PKD1L1: variants seen among roughly 807,000 people sequenced by gnomAD.
PKD1L1 encodes polycystin 1 like 1, transient receptor potential channel interacting.
In PKD1L1, 236 loss-of-function variants were observed where a neutral mutation model predicts 323.4. That is an observed-to-expected ratio of 0.73 (90% CI 0.66 to 0.81). The LOEUF is 0.81. Ranked by LOEUF, PKD1L1 falls within the 40% of genes least tolerant of loss-of-function variation. The pLI is 0.00. For synonymous variants in PKD1L1, 1,344 were observed against 1,335.0 expected, an observed-to-expected ratio of 1.01 and a Z score of -0.15; for missense variants, 3,320 against 3,508.0, an observed-to-expected ratio of 0.95 and a Z score of 1.35.
intron 34 of PKD1L1, among the ~76,000 whole-genome samples, chr7:47,842,677 A>C (rs1012976361): frequency 2.6e-5 from 4 of 152,150 alleles, no homozygotes; most frequent in African/African-American, 9.7e-5. Context: ...AGAGTCTCAA[A>C]GATCCACTCA....
chr7:47,835,763 T>C (rs777506283), intron 37 of PKD1L1, among the ~76,000 whole-genome samples: 2 of 152,122 alleles, frequency 1.3e-5, no homozygotes, highest in Non-Finnish European at 2.9e-5. Context: ...TAGAACTATA[T>C]ATAGAACTGA....
At chr7:47,782,435 T>C (rs756706545) in intron 56 of PKD1L1, among the ~76,000 whole-genome samples, 5 of 152,206 alleles carry the variant, frequency 3.3e-5, no homozygotes, top group Non-Finnish European at 7.3e-5. Flanking sequence ...CAGAAAACTT[T>C]CCTAAGGTCT....
intron 8 of PKD1L1, among the ~76,000 whole-genome samples, chr7:47,912,988 C>A (rs1361307644): frequency 6.6e-6 from 1 of 151,974 alleles, no homozygotes; most frequent in Admixed American, 6.6e-5. Flanking sequence ...GGGCCACCAG[C>A]TGAATTTCTG....
chr7:47,916,943 A>G (rs926491114), intron 7 of PKD1L1, among the ~76,000 whole-genome samples: 8 of 152,156 alleles, frequency 5.3e-5, no homozygotes, highest in Non-Finnish European at 1.0e-4. Flanking sequence ...AAAAAATCAC[A>G]CTAGCTCACC....
At chr7:47,935,636 C>T (rs1056523109) in intron 4 of PKD1L1, among the ~76,000 whole-genome samples, 5 of 152,210 alleles carry the variant, frequency 3.3e-5, no homozygotes, top group Non-Finnish European at 7.3e-5. Context: ...TCCTAAATTT[C>T]CACCTAGGGG....
rs1785518476 is a variant in PKD1L1 at position 47,839,269 on chromosome 7, A to G, written c.5769+177T>C. 6.6e-6 allele frequency among the ~76,000 whole-genome samples: 1 copy of G among 152,260 alleles called. No individual in the cohort carries two copies. Among genetic ancestry groups the G allele is most frequent in the African/African-American group, 2.4e-5 (1 of 41,472 alleles). On this transcript the variant is annotated intron_variant, in intron 36 of 56. Transcript: ENST00000289672. The surrounding 1 kb of genome is among the most constrained non-coding windows in gnomAD (Gnocchi z 4.3). ...TGAAGGGTAATTAATCCATGCTTGG[A>G]TGGCCACTCAATGAATGTATCATTT... is the stretch of plus-strand genomic sequence containing the variant.
At chr7:47,948,566 A>G (rs2128760521), upstream of PKD1L1, 5 of 838,352 alleles carry the variant, frequency 6.0e-6, no homozygotes, top group Non-Finnish European at 9.5e-6. Flanking sequence ...ATCAGGACAC[A>G]CATCAAACAC....
At chr7:47,777,912 T>C (rs941963774) in intron 56 of PKD1L1, among the ~76,000 whole-genome samples, 1 of 152,188 alleles carries the variant, frequency 6.6e-6, no homozygotes, top group African/African-American at 2.4e-5. Flanking sequence ...GCAGGACACA[T>C]TGCTCTCTAT....
chr7:47,790,453 C>T (rs1786915509), intron 56 of PKD1L1, among the ~76,000 whole-genome samples: 1 of 151,874 alleles, frequency 6.6e-6, no homozygotes, highest in South Asian at 2.1e-4. Flanking sequence ...GCCTCAGCCT[C>T]CCGAGTAGCT....
At chr7:47,949,863 G>A (rs568736078), upstream of PKD1L1, among the ~76,000 whole-genome samples, 1 of 152,090 alleles carries the variant, frequency 6.6e-6, no homozygotes, top group Non-Finnish European at 1.5e-5. Context: ...TGCTGCCAAT[G>A]AGGTGAGTAA....
At chr7:47,850,411 G>A (rs1785754202) in intron 31 of PKD1L1, among the ~76,000 whole-genome samples, 5 of 152,044 alleles carry the variant, frequency 3.3e-5, no homozygotes, top group Admixed American at 3.3e-4. Flanking sequence ...GAGGATGGAT[G>A]ACCCGAGGTC....
At chr7:47,863,038 T>C (rs1039673122) in intron 26 of PKD1L1, among the ~76,000 whole-genome samples, 1 of 152,042 alleles carries the variant, frequency 6.6e-6, no homozygotes, top group Non-Finnish European at 1.5e-5. Flanking sequence ...TGACATTTGC[T>C]TGGATTTGGG....
At position 47,865,291 on chromosome 7, in the gene PKD1L1, A is replaced by G; in HGVS notation, c.4093-19T>C. 2 of 1,606,134 alleles carry G rather than the reference A, an allele frequency of 1.2e-6. No homozygotes were observed. Among genetic ancestry groups the G allele is most frequent in the East Asian group, 4.5e-5 (2 of 44,782 alleles). On this transcript the variant is annotated intron_variant, in intron 25 of 56. Coordinates refer to ENST00000289672, the MANE Select transcript of PKD1L1 (RefSeq NM_138295.5). Reference sequence around the variant, plus strand: ...TTTCTTCCTGACCAGAAGAAACAACAATAAAACAAAAAGAAAATGCAAGGA... The same window carrying G: ...TTTCTTCCTGACCAGAAGAAACAACGATAAAACAAAAAGAAAATGCAAGGA...
At chr7:47,852,165 C>A (rs1445495768) in intron 31 of PKD1L1, among the ~76,000 whole-genome samples, 1 of 152,138 alleles carries the variant, frequency 6.6e-6, no homozygotes, top group Non-Finnish European at 1.5e-5. Context: ...AAACATCCCC[C>A]ACCCACATGT....
rs558400565 is a variant in PKD1L1 at position 47,835,014 on chromosome 7, T to C, written c.6080A>G (p.Glu2027Gly). The change falls in exon 39 of 57, where the codon GAG (glutamate) becomes GGG (glycine). Residue 2027 changes from glutamate to glycine, a missense_variant. Glu to Gly is a moderately conservative substitution (Grantham distance 98). Coordinates refer to ENST00000289672, the MANE Select transcript of PKD1L1 (RefSeq NM_138295.5). ...TCCTCCTCTAAGTGGGCTGTGTGGCTCCACTCGGGCAGACCCCGGGGCTTC... is the reference window on the plus strand; with the variant it reads ...TCCTCCTCTAAGTGGGCTGTGTGGCCCCACTCGGGCAGACCCCGGGGCTTC... ...SKEAPGSARV[E>G]PHSPLRGGAQ... 6.2e-6 allele frequency: 10 copies of C among 1,613,966 alleles called. No homozygotes were observed. Among genetic ancestry groups the C allele is most frequent in the African/African-American group, 2.7e-5 (2 of 75,054 alleles).
chr7:47,893,494 A>G (rs1377572461), intron 15 of PKD1L1, among the ~76,000 whole-genome samples: 1 of 152,104 alleles, frequency 6.6e-6, no homozygotes, highest in Non-Finnish European at 1.5e-5. Flanking sequence ...AGCGGTGTGG[A>G]TGGAGAAGAG....
chr7:47,839,652 G>A lies in PKD1L1; in HGVS notation c.5563C>T (p.Gln1855Ter). The part of the protein sequence containing the change: ...RHTFILSAPA[Q>*]LGLLRKIRLW... ...CGGATCTTCCTCAGCAGGCCCAGTTGGGCAGGAGCGCTGGAGGCACACACA... is the reference window on the plus strand; with the variant it reads ...CGGATCTTCCTCAGCAGGCCCAGTTAGGCAGGAGCGCTGGAGGCACACACA... Residue 1855 changes from glutamine (Q) to a stop codon, truncating the protein, a stop_gained, in exon 36 of 57, where the codon CAA (glutamine) becomes TAA (stop). Transcript: ENST00000289672. LOFTEE classifies it high-confidence loss of function. The surrounding 1 kb of genome is among the most constrained non-coding windows in gnomAD (Gnocchi z 4.3). 1 of 1,567,052 alleles carries A rather than the reference G, an allele frequency of 6.4e-7. No homozygotes were observed. The highest frequency in any genetic ancestry group is 8.7e-7 in the Non-Finnish European group (1 of 1,155,576).
intron 12 of PKD1L1, among the ~76,000 whole-genome samples, chr7:47,903,468 T>C (rs1787135404): frequency 6.6e-6 from 1 of 152,144 alleles, no homozygotes; most frequent in Non-Finnish European, 1.5e-5. Context: ...CATGCACCAA[T>C]CTACAAGCCA....
intron 45 of PKD1L1, among the ~76,000 whole-genome samples, chr7:47,824,254 A>T (rs903445466): frequency 6.6e-6 from 1 of 152,194 alleles, no homozygotes; most frequent in Non-Finnish European, 1.5e-5. Context: ...AAAAACCCAC[A>T]TGATTCCATA....
Sources: gnomAD v4.1 joint callset for allele counts (sites outside exome capture counted in the v4.1 genomes callset) on GRCh38, gnomAD v4.1.1 for gene constraint, Gnocchi (gnomAD v3.1) non-coding constraint, MANE v1.5 for transcripts, NCBI Gene and HGNC (gene_info 2026-07-23, HGNC 2026-07-21) for gene names.